IQSEC3: variants seen among roughly 807,000 people sequenced by gnomAD.
IQSEC3 encodes IQ motif and Sec7 domain ArfGEF 3.
A neutral mutation model predicts 105.4 loss-of-function variants in IQSEC3; 50 were observed. The observed-to-expected ratio is 0.47, with a 90% CI of 0.38 to 0.60. IQSEC3 has a LOEUF of 0.60. Ranked by LOEUF, IQSEC3 falls within the 20% of genes least tolerant of loss-of-function variation. The pLI, the probability that IQSEC3 is intolerant of heterozygous loss-of-function variation, is 0.00. For missense variants in IQSEC3, 1,415 were observed against 1,630.0 expected, an observed-to-expected ratio of 0.87 and a Z score of 2.27; for synonymous variants, 708 against 746.0, an observed-to-expected ratio of 0.95 and a Z score of 0.83.
At chr12:135,019 A>G (rs1865716587) in intron 3 of IQSEC3, among the ~76,000 whole-genome samples, 1 of 152,172 alleles carries the variant, frequency 6.6e-6, no homozygotes, top group African/African-American at 2.4e-5. Flanking sequence ...AATCCCAGCT[A>G]CTCAGGAGGC....
In IQSEC3 at chr12:174,944, CCCCCCT is replaced by C; in HGVS notation, c.3461_3466del (p.Pro1154_Tyr1156delinsHis). 1 of 1,545,346 alleles carries C rather than the reference CCCCCCT, an allele frequency of 6.5e-7. No homozygotes were observed. Among genetic ancestry groups the C allele is most frequent in the Non-Finnish European group, 8.7e-7 (1 of 1,152,172 alleles). ...CCAGCCTCCGCTGCCCCCGCCCCCA[CCCCCCT>C]ACAACCACCCTCACCAGTTCTGTCC... On this transcript the variant is annotated inframe_deletion, in exon 14 of 14. Transcript: ENST00000538872.
At chr12:105,564 C>T (rs1245730598) in intron 2 of IQSEC3, among the ~76,000 whole-genome samples, 1 of 152,236 alleles carries the variant, frequency 6.6e-6, no homozygotes, top group African/African-American at 2.4e-5. Context: ...CTACAGGAAT[C>T]TGCCCTAGGG....
chr12:166,915 C>T (rs966187381), intron 11 of IQSEC3: 4 of 152,178 alleles, frequency 2.6e-5, no homozygotes, highest in Non-Finnish European at 4.4e-5. Flanking sequence ...AGTTCAGCCG[C>T]GTGTCCAGGT....
In IQSEC3 at chr12:66,948, G is replaced by C. The variant is rs1555065446; in HGVS notation, c.66G>C (p.Val22=). The C allele has an allele frequency of 6.5e-6, 10 of 1,528,086 alleles. No individual in the cohort carries two copies. The highest frequency in any genetic ancestry group is 8.7e-6 in the Non-Finnish European group (10 of 1,143,656). The allele number at this position is 1,528,086 out of a possible 1,614,324, so 94.7% of individuals were successfully genotyped here. A position where few individuals can be genotyped will look rare whatever the true frequency, so the allele number is the denominator to read the frequency against. ...VLYLKELTAI[V]QNQQSLIHTQ... ...ACCTCAAGGAGCTCACGGCCATCGT[G>C]CAGAACCAGCAGAGCCTCATCCACA... Residue 22 remains valine (V), a synonymous_variant, in exon 1 of 14, where the codon GTG becomes GTC. Coordinates refer to ENST00000538872, the MANE Select transcript of IQSEC3 (RefSeq NM_001170738.2).
intron 1 of IQSEC3, among the ~76,000 whole-genome samples, chr12:96,052 C>T (rs1204959655): frequency 2.0e-5 from 3 of 152,122 alleles, no homozygotes; most frequent in African/African-American, 7.2e-5. Flanking sequence ...AACACGCACC[C>T]AAGGTGGTTG....
At chr12:116,797 A>G (rs1386342532) in intron 2 of IQSEC3, among the ~76,000 whole-genome samples, 5 of 152,150 alleles carry the variant, frequency 3.3e-5, no homozygotes, top group African/African-American at 1.2e-4. Context: ...TCTGGCACTC[A>G]TGTGAGGCAG....
At chr12:162,430 C>T (rs1355529523) in intron 8 of IQSEC3, among the ~76,000 whole-genome samples, 1 of 152,146 alleles carries the variant, frequency 6.6e-6, no homozygotes, top group Non-Finnish European at 1.5e-5. Context: ...AGGAAATGGG[C>T]TCAATAGGCT....
At chr12:159,088 G>A (rs1431319137) in intron 7 of IQSEC3, among the ~76,000 whole-genome samples, 7 of 152,318 alleles carry the variant, frequency 4.6e-5, no homozygotes, top group African/African-American at 1.4e-4. Context: ...TTAGGGCTCT[G>A]CACACACACT....
chr12:103,624 T>C (rs199679265), intron 2 of IQSEC3, among the ~76,000 whole-genome samples: 2 of 7,880 alleles, frequency 2.5e-4, no homozygotes, highest in Admixed American at 2.3e-3. Flanking sequence ...AGAGGTGGAG[T>C]TCAGGGGGGA....
intron 1 of IQSEC3, among the ~76,000 whole-genome samples, chr12:81,262 C>T (rs1422051125): frequency 6.6e-6 from 1 of 152,144 alleles, no homozygotes; most frequent in Non-Finnish European, 1.5e-5. Flanking sequence ...TTGTTGAGGG[C>T]ATTGGAGTCC....
chr12:128,523 T>C (rs547452492), intron 3 of IQSEC3, among the ~76,000 whole-genome samples: 1,876 of 152,140 alleles, frequency 0.012, 24 homozygotes, highest in Non-Finnish European at 0.019. Context: ...GGAGGGGTGT[T>C]GGACAATCTT....
intron 1 of IQSEC3, among the ~76,000 whole-genome samples, chr12:98,673 A>T (rs2136916206): frequency 6.6e-6 from 1 of 152,288 alleles, no homozygotes. Context: ...TCCCTGTATG[A>T]ATGTTTTGTA....
chr12:148,120 C>G (rs1020665040), intron 5 of IQSEC3: 1 of 152,202 alleles, frequency 6.6e-6, no homozygotes, highest in Non-Finnish European at 1.5e-5. Context: ...GGAAATGAGC[C>G]ACCAAGAGGC....
chr12:154,104 G>A (rs891298858), intron 5 of IQSEC3, among the ~76,000 whole-genome samples: 4 of 152,164 alleles, frequency 2.6e-5, no homozygotes, highest in Non-Finnish European at 5.9e-5. Context: ...CGAGGCCCAC[G>A]AGGGGTGTAT....
At chr12:161,102 G>A (rs576779546) in intron 7 of IQSEC3, among the ~76,000 whole-genome samples, 2 of 152,300 alleles carry the variant, frequency 1.3e-5, no homozygotes, top group South Asian at 4.1e-4. Context: ...AGAGCAGGCC[G>A]GGAGCTGCGT....
At chr12:160,483 C>CT (rs1866850470) in intron 7 of IQSEC3, among the ~76,000 whole-genome samples, 1 of 152,146 alleles carries the variant, frequency 6.6e-6, no homozygotes, top group South Asian at 2.1e-4. Context: ...GTTCTGAGAT[C>CT]TTTAAGTGGG....
At chr12:112,309 A>C in intron 2 of IQSEC3, among the ~76,000 whole-genome samples, 1 of 44,758 alleles carries the variant, frequency 2.2e-5, no homozygotes, top group Non-Finnish European at 4.2e-5. Flanking sequence ...GGGAAGGGGG[A>C]TGGTGGGGAA....
chr12:163,441 G>A lies in IQSEC3; in HGVS notation c.2584-53G>A, dbSNP rs975184022. The stretch of plus-strand genomic sequence containing the variant: ...CTTCTGGAAAATGGGCGCGTGGGTG[G>A]GGAGGCCTCCAGGCCTCTGGTCTCT... On this transcript the variant is annotated intron_variant, in intron 8 of 13. Transcript: ENST00000538872. 3.3e-6 allele frequency: 5 copies of A among 1,522,466 alleles called. No homozygotes were observed. In the African/African-American group the frequency reaches 5.6e-5, roughly 17 times the overall value. The allele number at this position is 1,522,466 out of a possible 1,614,324, so 94.3% of individuals were successfully genotyped here.
Position 129,557 on chromosome 12 carries a change from G to A in IQSEC3, c.903+3645G>A, listed in dbSNP as rs1865522513. Reference sequence around the variant, plus strand: ...CAGCAGTCCTGGGGGATACAACCTAGGGCAGGCCAAGGAGTGAGCATGCAG... The same window carrying A: ...CAGCAGTCCTGGGGGATACAACCTAAGGCAGGCCAAGGAGTGAGCATGCAG... On this transcript the variant is annotated intron_variant, in intron 3 of 13. Transcript: ENST00000538872. Among the ~76,000 whole-genome samples the A allele has an allele frequency of 2.6e-5, 4 of 152,100 alleles. No individual in the cohort carries two copies. In the South Asian group the frequency reaches 8.3e-4, roughly 32 times the overall value.
Sources: gnomAD v4.1 joint callset for allele counts (sites outside exome capture counted in the v4.1 genomes callset) on GRCh38, gnomAD v4.1.1 for gene constraint, MANE v1.5 for transcripts, NCBI Gene and HGNC (gene_info 2026-07-23, HGNC 2026-07-21) for gene names.